Variants in CAMTA1 observed in about 807,000 individuals in gnomAD.
CAMTA1 encodes calmodulin-binding transcription activator 1.
CAMTA1 carries 27 observed loss-of-function variants against 170.9 expected under a neutral mutation model. The ratio of observed to expected loss-of-function variants is 0.16; its 90% confidence interval spans 0.12 to 0.22. The LOEUF (loss-of-function observed/expected upper bound fraction) is 0.22. CAMTA1 is among the 10% of genes least tolerant of loss of function. CAMTA1 has a pLI of 1.00. For synonymous variants in CAMTA1, 833 were observed against 891.5 expected, an observed-to-expected ratio of 0.93 and a Z score of 1.17; for missense variants, 1,619 against 2,217.2, an observed-to-expected ratio of 0.73 and a Z score of 5.42.
At chr1:7,001,134 C>T (rs529592651) in intron 3 of CAMTA1, among the ~76,000 whole-genome samples, 1 of 152,218 alleles carries the variant, frequency 6.6e-6, no homozygotes, top group Admixed American at 6.5e-5. Context: ...GTGAAAATCC[C>T]ATGTTTTCAA....
intron 6 of CAMTA1, among the ~76,000 whole-genome samples, chr1:7,498,615 G>A (rs2093885649): frequency 6.6e-6 from 1 of 152,092 alleles, no homozygotes; most frequent in Admixed American, 6.5e-5. Context: ...GAACATCTGT[G>A]TGCAGTGTGT....
chr1:7,101,408 G>A (rs894200152), intron 4 of CAMTA1, among the ~76,000 whole-genome samples: 14 of 152,216 alleles, frequency 9.2e-5, no homozygotes, highest in African/African-American at 3.1e-4. Context: ...TGTGTAATGA[G>A]TAATCACCAG....
At chr1:7,086,097 T>C (rs139645678) in intron 3 of CAMTA1, among the ~76,000 whole-genome samples, 1 of 152,224 alleles carries the variant, frequency 6.6e-6, no homozygotes, top group South Asian at 2.1e-4. Flanking sequence ...CTGCAGCACA[T>C]AGACGCCATA....
chr1:6,790,890 A>C (rs1237348853), intron 1 of CAMTA1, among the ~76,000 whole-genome samples: 1 of 152,138 alleles, frequency 6.6e-6, no homozygotes, highest in Non-Finnish European at 1.5e-5. Context: ...TCCTCTATTA[A>C]ATTAGATTTA....
At chr1:6,801,306 C>A (rs1377537582) in intron 1 of CAMTA1, among the ~76,000 whole-genome samples, 1 of 152,078 alleles carries the variant, frequency 6.6e-6, no homozygotes, top group Non-Finnish European at 1.5e-5. Context: ...GCTAAATATC[C>A]TTGACAGCTT....
rs554614789 is a variant in CAMTA1, at chr1:6,829,652, T to G, written c.234+4442T>G. ...ATGAGATAGATTATTTGACTATCCT[T>G]ATCTTATAGATGAGGAAACTGAAGC... On this transcript the variant is annotated intron_variant, in intron 3 of 22. Coordinates refer to ENST00000303635, the MANE Select transcript of CAMTA1 (RefSeq NM_015215.4). 3.9e-5 allele frequency among the ~76,000 whole-genome samples: 6 copies of G among 152,342 alleles called. No homozygotes were observed. In the South Asian group the frequency reaches 1.2e-3, roughly 32 times the overall value.
chr1:7,750,647 G>C (rs898759940), intron 19 of CAMTA1, among the ~76,000 whole-genome samples: 6 of 152,208 alleles, frequency 3.9e-5, no homozygotes, highest in African/African-American at 1.4e-4. Flanking sequence ...TTGGTCTTAC[G>C]AGTGTTCATC....
chr1:7,565,897 G>T lies in CAMTA1; in HGVS notation c.511-74503G>T, dbSNP rs1299291264. ...CTCCCTTCCTGGCTTGCAGACAGCCGCCTTCTCGCTGTGTCCTCACATAGT... is the reference window on the plus strand; with the variant it reads ...CTCCCTTCCTGGCTTGCAGACAGCCTCCTTCTCGCTGTGTCCTCACATAGT... On this transcript the variant is annotated intron_variant, in intron 6 of 22. Transcript: ENST00000303635. The surrounding 1 kb of genome is among the most constrained non-coding windows in gnomAD (Gnocchi z 4.5). Among the ~76,000 whole-genome samples, 2 of 151,888 alleles carry T rather than the reference G, an allele frequency of 1.3e-5. No individual in the cohort carries two copies. The highest frequency in any genetic ancestry group is 1.3e-4 in the Admixed American group (2 of 15,260).
chr1:7,722,234 C>T (rs992819477), intron 11 of CAMTA1, among the ~76,000 whole-genome samples: 3 of 152,214 alleles, frequency 2.0e-5, no homozygotes, highest in Non-Finnish European at 4.4e-5. Flanking sequence ...GAAATTGTCT[C>T]TGTCTTTAAA....
At chr1:7,751,861 G>C (rs2096900192) in intron 20 of CAMTA1, among the ~76,000 whole-genome samples, 1 of 152,146 alleles carries the variant, frequency 6.6e-6, no homozygotes, top group South Asian at 2.1e-4. Flanking sequence ...AACAGAACTT[G>C]TTCCTAATCC....
At chr1:7,749,875 T>C in intron 19 of CAMTA1, 1 of 451,916 alleles carries the variant, frequency 2.2e-6, no homozygotes, top group South Asian at 1.6e-5. Context: ...GGGAGGGCCA[T>C]TAAGATGGCA....
At chr1:7,479,699 A>C (rs975961133) in intron 6 of CAMTA1, among the ~76,000 whole-genome samples, 33 of 152,110 alleles carry the variant, frequency 2.2e-4, no homozygotes, top group Non-Finnish European at 1.0e-4. Context: ...AGCCTCTGGA[A>C]CCTAGGCCAC....
At chr1:7,314,412 T>C (rs942656185) in intron 5 of CAMTA1, among the ~76,000 whole-genome samples, 1 of 152,268 alleles carries the variant, frequency 6.6e-6, no homozygotes, top group African/African-American at 2.4e-5. Flanking sequence ...GGATTTTGGA[T>C]GCTCTCAAAT....
At chr1:7,151,219 A>G (rs1296771504) in intron 4 of CAMTA1, among the ~76,000 whole-genome samples, 5 of 152,182 alleles carry the variant, frequency 3.3e-5, no homozygotes, top group Non-Finnish European at 7.3e-5. Context: ...TTTCTTCTAC[A>G]CTGTGCTTTG....
rs915958362 is a variant in CAMTA1, at chr1:7,647,655, T to A, written c.664+7102T>A. On this transcript the variant is annotated intron_variant, in intron 7 of 22. Transcript: ENST00000303635. ...CTAGGGAGAGGTGCCTGTGCCCACC[T>A]TTTTTCCTCTCCAGCTCAGTCGATC... Among the ~76,000 whole-genome samples the A allele has an allele frequency of 9.9e-5, 15 of 152,180 alleles. 1 individual carries two copies. Among genetic ancestry groups the A allele is most frequent in the Admixed American group, 2.6e-4 (4 of 15,284 alleles).
intron 5 of CAMTA1, among the ~76,000 whole-genome samples, chr1:7,322,090 G>A (rs951818409): frequency 6.6e-6 from 1 of 152,150 alleles, no homozygotes; most frequent in Admixed American, 6.5e-5. Context: ...TTATTTGGGG[G>A]CATTTGCACA....
intron 11 of CAMTA1, among the ~76,000 whole-genome samples, chr1:7,705,770 AG>A (rs1467235292): frequency 6.6e-6 from 1 of 151,978 alleles, no homozygotes; most frequent in Non-Finnish European, 1.5e-5. Context: ...AGACCAGGGG[AG>A]CGGAGGGACG....
At chr1:7,237,430 G>GGT (rs555991011) in intron 4 of CAMTA1, among the ~76,000 whole-genome samples, 49 of 152,296 alleles carry the variant, frequency 3.2e-4, no homozygotes, top group African/African-American at 1.1e-3. Context: ...TGGTTGTTGA[G>GGT]GTCCTGGAAA....
chr1:6,985,286 G>A (rs1301848148), intron 3 of CAMTA1, among the ~76,000 whole-genome samples: 1 of 152,206 alleles, frequency 6.6e-6, no homozygotes, highest in Non-Finnish European at 1.5e-5. Context: ...CCCTGGGCCT[G>A]TCAGATGCCC....
Sources: allele counts gnomAD v4.1 joint callset (sites outside exome capture counted in the v4.1 genomes callset), GRCh38; gene constraint gnomAD v4.1.1; non-coding constraint Gnocchi (gnomAD v3.1); transcripts MANE v1.5; gene names NCBI Gene and HGNC (gene_info 2026-07-23, HGNC 2026-07-21).